Variants in ENTPD1 observed in about 807,000 individuals in gnomAD.
ENTPD1 encodes the protein ATP diphosphohydrolase.
A neutral mutation model predicts 57.0 loss-of-function variants in ENTPD1; 33 were observed. The observed-to-expected ratio is 0.58, with a 90% CI of 0.44 to 0.77. ENTPD1 has a LOEUF of 0.77. Ranked by LOEUF, ENTPD1 falls within the 30% of genes least tolerant of loss-of-function variation. ENTPD1 has a pLI of 0.00. For synonymous variants in ENTPD1, 202 were observed against 218.8 expected (o/e 0.92, Z 0.68); for missense variants, 501 against 603.4 (o/e 0.83, Z 1.78).
chr10:95,780,766 T>C (rs1272202854), intron 1 of ENTPD1, among the ~76,000 whole-genome samples: 1 of 152,206 alleles, frequency 6.6e-6, no homozygotes, highest in Non-Finnish European at 1.5e-5. Context: ...ATCAGGGAAG[T>C]ACATTCTTGG....
At chr10:95,858,777 G>A (rs1189230405) in intron 7 of ENTPD1, among the ~76,000 whole-genome samples, 3 of 152,286 alleles carry the variant, frequency 2.0e-5, no homozygotes, top group African/African-American at 7.2e-5. Context: ...TTGCTCATAG[G>A]GGAAATTGCT....
chr10:95,695,412 A>G, the ENTPD1 span, among the ~76,000 whole-genome samples: 1 of 152,228 alleles, frequency 6.6e-6, no homozygotes, highest in African/African-American at 2.4e-5. Context: ...TCTAAAATCT[A>G]GTACACTTAC....
rs530965166 is a variant in ENTPD1, at chr10:95,871,244, A to G, written c.*4861A>G. 3.0e-5 allele frequency: 30 copies of G among 985,192 alleles called. No homozygotes were observed. The South Asian group carries it at 3.8e-4, about 12-fold the overall frequency. 61.0% of individuals were successfully genotyped at this position (985,192 alleles called of 1,614,324 possible). ...ATTAAATGCGATTATTTAATATACA[A>G]TGTCTTATTAACTGAAATATAAAAT... On this transcript the variant is annotated 3_prime_UTR_variant, in exon 10 of 10. Transcript: ENST00000371205.
chr10:95,712,147 C>A (rs1050152671), intron 1 of ENTPD1, among the ~76,000 whole-genome samples: 1 of 152,188 alleles, frequency 6.6e-6, no homozygotes, highest in Non-Finnish European at 1.5e-5. Flanking sequence ...GGTGTAGCGA[C>A]TCTGGTGTCC....
intron 1 of ENTPD1, among the ~76,000 whole-genome samples, chr10:95,729,273 C>T (rs1235041899): frequency 6.6e-6 from 1 of 152,052 alleles, no homozygotes; most frequent in Non-Finnish European, 1.5e-5. Flanking sequence ...CAGTATGAAG[C>T]ATGAAAAGTA....
rs1189738580 is a variant in ENTPD1 at position 95,772,199 on chromosome 10, GT to G, written c.16+15946del. On this transcript the variant is annotated intron_variant, in intron 1 of 9. Coordinates refer to ENST00000371205, the MANE Select transcript of ENTPD1 (RefSeq NM_001776.6). Reference sequence around the variant, plus strand: ...TGTTTATGTTGCTGACTTATCAGGAGTTGGTTGCTGAAGGTTGGAGTGGCTG... The same window carrying G: ...TGTTTATGTTGCTGACTTATCAGGAGTGGTTGCTGAAGGTTGGAGTGGCTG... Among the ~76,000 whole-genome samples, 17 of 152,332 alleles carry G rather than the reference GT, an allele frequency of 1.1e-4. No homozygotes were observed. The East Asian group carries it at 2.5e-3, about 22-fold the overall frequency.
At chr10:95,701,483 C>T in the ENTPD1 span, among the ~76,000 whole-genome samples, 1 of 152,040 alleles carries the variant, frequency 6.6e-6, no homozygotes, top group African/African-American at 2.4e-5. Flanking sequence ...AATCCACCAT[C>T]AGAGTAAAAG....
intron 1 of ENTPD1, among the ~76,000 whole-genome samples, chr10:95,778,732 A>G (rs116347613): frequency 6.6e-6 from 1 of 152,164 alleles, no homozygotes; most frequent in African/African-American, 2.4e-5. Context: ...CATGGATGCA[A>G]TATTTTCTCC....
intron 1 of ENTPD1, among the ~76,000 whole-genome samples, chr10:95,747,410 G>T (rs1273670590): frequency 6.6e-6 from 1 of 152,132 alleles, no homozygotes; most frequent in Non-Finnish European, 1.5e-5. Flanking sequence ...TTTAGGATAC[G>T]TAAAACCAGA....
intron 2 of ENTPD1, among the ~76,000 whole-genome samples, chr10:95,832,697 A>G (rs2098400085): frequency 6.6e-6 from 1 of 152,218 alleles, no homozygotes; most frequent in Non-Finnish European, 1.5e-5. Flanking sequence ...CAGGGACCAG[A>G]CCACTTTGAT....
chr10:95,801,099 A>T (rs1359233227), intron 1 of ENTPD1, among the ~76,000 whole-genome samples: 2 of 152,242 alleles, frequency 1.3e-5, no homozygotes, highest in African/African-American at 4.8e-5. Context: ...ATAAATGTCC[A>T]TGAAATCTTC....
chr10:95,839,242 A>C, intron 2 of ENTPD1: 1 of 214,496 alleles, frequency 4.7e-6, no homozygotes, highest in Non-Finnish European at 9.4e-6. Flanking sequence ...ATTAGATCAC[A>C]ATACCTGGGT....
At chr10:95,742,502 TTC>T (rs774377076) in intron 1 of ENTPD1, among the ~76,000 whole-genome samples, 22 of 151,538 alleles carry the variant, frequency 1.5e-4, no homozygotes, top group Non-Finnish European at 2.6e-4. Flanking sequence ...CTTAGAAACT[TTC>T]TTTTTCTTTT....
chr10:95,859,910 A>G (rs1213653093), intron 7 of ENTPD1, among the ~76,000 whole-genome samples: 2 of 152,134 alleles, frequency 1.3e-5, no homozygotes, highest in Non-Finnish European at 2.9e-5. Context: ...TTTGATGATG[A>G]TAATGATTTT....
At chr10:95,711,434 G>A (rs528225777), upstream of ENTPD1, among the ~76,000 whole-genome samples, 1 of 152,192 alleles carries the variant, frequency 6.6e-6, no homozygotes, top group South Asian at 2.1e-4. Flanking sequence ...TTTCTACATG[G>A]CTGTTCATAC....
rs966920532 is a variant in ENTPD1 at position 95,866,630 on chromosome 10, T to C, written c.*247T>C. 2.2e-6 allele frequency: 3 copies of C among 1,343,086 alleles called. No homozygotes were observed. The highest frequency in any genetic ancestry group is 3.0e-5 in the African/African-American group (2 of 67,678). 83.2% of individuals were successfully genotyped at this position (1,343,086 alleles called of 1,614,324 possible). A position where few individuals can be genotyped will look rare whatever the true frequency, so the allele number is the denominator to read the frequency against. ...AGCTACACCTTTCTCCTTTGTACTT[T>C]GTGCTTGTATAGGTTTTAAAGACCT... On this transcript the variant is annotated 3_prime_UTR_variant, in exon 10 of 10. Coordinates refer to ENST00000371205, the MANE Select transcript of ENTPD1 (RefSeq NM_001776.6).
In ENTPD1 at chr10:95,876,961, C is replaced by G. The variant is rs1172767988; in HGVS notation, c.*10578C>G. On this transcript the variant is annotated 3_prime_UTR_variant, in exon 10 of 10. Coordinates refer to ENST00000371205, the MANE Select transcript of ENTPD1 (RefSeq NM_001776.6). Reference sequence around the variant, plus strand: ...ATGCAACATGGCAAAAGTATACAGACAGTGCATCCAGAGGAAGGCACCTTG... The same window carrying G: ...ATGCAACATGGCAAAAGTATACAGAGAGTGCATCCAGAGGAAGGCACCTTG... Among the ~76,000 whole-genome samples the G allele has an allele frequency of 1.3e-5, 2 of 152,234 alleles. No individual in the cohort carries two copies. Among genetic ancestry groups the G allele is most frequent in the Non-Finnish European group, 2.9e-5 (2 of 68,044 alleles).
chr10:95,803,164 C>T (rs183990231), intron 1 of ENTPD1, among the ~76,000 whole-genome samples: 7 of 152,238 alleles, frequency 4.6e-5, no homozygotes, highest in South Asian at 2.1e-4. Context: ...GCCATTTTAA[C>T]GATATGGAAT....
chr10:95,837,178 G>A (rs983490207), intron 2 of ENTPD1, among the ~76,000 whole-genome samples: 3 of 152,186 alleles, frequency 2.0e-5, no homozygotes, highest in Non-Finnish European at 4.4e-5. Context: ...TTGGCTCTAT[G>A]GGAAGAATGA....
Sources: gnomAD v4.1 joint callset for allele counts (sites outside exome capture counted in the v4.1 genomes callset) on GRCh38, gnomAD v4.1.1 for gene constraint, MANE v1.5 for transcripts, NCBI Gene and HGNC (gene_info 2026-07-23, HGNC 2026-07-21) for gene names.